The following ADD3 variants were observed in gnomAD, a reference collection of about 807,000 sequenced individuals.
ADD3 encodes gamma-adducin.
A neutral mutation model predicts 80.2 loss-of-function variants in ADD3; 25 were observed. The ratio of observed to expected loss-of-function variants is 0.31; its 90% CI spans 0.23 to 0.44. The LOEUF (loss-of-function observed/expected upper bound fraction) is 0.44. Among genes scored for constraint, ADD3 ranks in the 20% least tolerant of loss-of-function variants. The probability of loss-of-function intolerance (pLI) is 1.00; values close to 1 mark genes in which losing one functional copy is unlikely to be tolerated. For synonymous variants in ADD3, 284 were observed against 289.6 expected, an observed-to-expected ratio of 0.98 and a Z score of 0.20; for missense variants, 829 against 847.5, an observed-to-expected ratio of 0.98 and a Z score of 0.27.
At chr10:110,051,821 G>T (rs1362862740) in intron 1 of ADD3, among the ~76,000 whole-genome samples, 1 of 152,146 alleles carries the variant, frequency 6.6e-6, no homozygotes, top group African/African-American at 2.4e-5. Context: ...ACTTATTTTT[G>T]AGACAGAGTC....
intron 1 of ADD3, among the ~76,000 whole-genome samples, chr10:110,031,153 A>G (rs999236056): frequency 6.6e-6 from 1 of 152,236 alleles, no homozygotes; most frequent in African/African-American, 2.4e-5. Flanking sequence ...GCATGCCTGT[A>G]GTCCTAGCTA....
At chr10:110,084,903 T>G (rs1846520041) in intron 1 of ADD3, among the ~76,000 whole-genome samples, 2 of 152,224 alleles carry the variant, frequency 1.3e-5, no homozygotes, top group Non-Finnish European at 1.5e-5. Flanking sequence ...TTAATTAGTT[T>G]AATGTTTTCT....
At chr10:110,120,502 T>G (rs1346806773) in intron 8 of ADD3, among the ~76,000 whole-genome samples, 2 of 152,134 alleles carry the variant, frequency 1.3e-5, no homozygotes, top group African/African-American at 2.4e-5. Flanking sequence ...GTTCCAAGTC[T>G]TTGCTATTGT....
At chr10:110,020,621 A>G (rs901505602) in intron 1 of ADD3, among the ~76,000 whole-genome samples, 1 of 152,188 alleles carries the variant, frequency 6.6e-6, no homozygotes. Flanking sequence ...ACCGTCTGAC[A>G]GATGTTTAAA....
intron 5 of ADD3, 44 bp from the exon 6 acceptor site, chr10:110,118,543 G>C: frequency 1.3e-6 from 2 of 1,547,092 alleles, no homozygotes; most frequent in Non-Finnish European, 1.8e-6. Context: ...CACAAACTTT[G>C]ATACGTATAT....
At chr10:110,068,433 G>T (rs1844257174) in intron 1 of ADD3, among the ~76,000 whole-genome samples, 1 of 152,158 alleles carries the variant, frequency 6.6e-6, no homozygotes, top group Non-Finnish European at 1.5e-5. Flanking sequence ...CATTTACATT[G>T]TATTAGGCAT....
chr10:110,056,677 A>T (rs1858233897), intron 1 of ADD3, among the ~76,000 whole-genome samples: 1 of 152,164 alleles, frequency 6.6e-6, no homozygotes, highest in Non-Finnish European at 1.5e-5. Flanking sequence ...AATAAAAGGA[A>T]ATGGGAAATG....
chr10:110,116,482 T>G (rs1850743850), intron 4 of ADD3, 72 bp downstream of exon 4: 3 of 1,477,180 alleles, frequency 2.0e-6, no homozygotes, highest in Non-Finnish European at 2.8e-6. Flanking sequence ...TTCTTACCTT[T>G]ACCTGGAAGT....
intron 1 of ADD3, among the ~76,000 whole-genome samples, chr10:110,075,342 T>G (rs1240356580): frequency 5.6e-5 from 8 of 143,332 alleles, no homozygotes; most frequent in Middle Eastern, 7.0e-3. Context: ...TGGTTTTTTG[T>G]TTTTTTTTTA....
chr10:110,118,350 C>G (rs1206878611), intron 5 of ADD3, among the ~76,000 whole-genome samples: 2 of 152,090 alleles, frequency 1.3e-5, no homozygotes, highest in Non-Finnish European at 2.9e-5. Flanking sequence ...TTTGTTGCAC[C>G]TGTTTTATAA....
intron 6 of ADD3, 83 bp downstream of exon 6, chr10:110,118,819 C>G: frequency 7.4e-7 from 1 of 1,358,582 alleles, no homozygotes; most frequent in South Asian, 1.3e-5. Context: ...GCTTTACTAT[C>G]TGCTTTTCAA....
In ADD3 at chr10:110,112,796, A is replaced by G. The variant is rs1448448499; in HGVS notation, c.215A>G (p.Glu72Gly). ...TTACAGGCCTTTCGGGAAGACTTGG[A>G]ATGCCTTATTCAAGAACAGATGAAG... is the stretch of plus-strand genomic sequence containing the variant. ...LQSPAFREDL[E>G]CLIQEQMKKG... The change falls in exon 3 of 15, where the codon GAA becomes GGA. Residue 72 changes from glutamate to glycine, a missense_variant. Physicochemically the swap from Glu to Gly is moderately conservative, Grantham distance 98. Transcript: ENST00000356080. The G allele has an allele frequency of 1.2e-6, 2 of 1,613,658 alleles. No homozygotes were observed. Among genetic ancestry groups the G allele is most frequent in the Non-Finnish European group, 1.7e-6 (2 of 1,179,916 alleles).
chr10:110,083,618 G>T (rs1846344655), intron 1 of ADD3, among the ~76,000 whole-genome samples: 1 of 152,076 alleles, frequency 6.6e-6, no homozygotes, highest in Non-Finnish European at 1.5e-5. Context: ...TAATTAATAG[G>T]GATGGACTTT....
intron 1 of ADD3, among the ~76,000 whole-genome samples, chr10:110,076,315 G>A (rs933419456): frequency 3.3e-5 from 5 of 152,098 alleles, no homozygotes; most frequent in Non-Finnish European, 7.4e-5. Context: ...TATTTGTACA[G>A]TATTTATACA....
At chr10:110,079,376 T>C (rs1043082356) in intron 1 of ADD3, 1 of 150,140 alleles carries the variant, frequency 6.7e-6, no homozygotes, top group Non-Finnish European at 1.5e-5. Context: ...TTTCCCACCC[T>C]AATCCCTCAG....
chr10:110,116,578 C>T, intron 4 of ADD3, among the ~76,000 whole-genome samples, 168 bp downstream of exon 4: 1 of 152,190 alleles, frequency 6.6e-6, no homozygotes, highest in Non-Finnish European at 1.5e-5. Context: ...GGAGAGGCTC[C>T]AATTCCCCCA....
chr10:110,115,820 C>T (rs1285354245), intron 3 of ADD3, among the ~76,000 whole-genome samples: 1 of 152,204 alleles, frequency 6.6e-6, no homozygotes, highest in African/African-American at 2.4e-5. Flanking sequence ...AATCATACTA[C>T]TATTTGCATG....
rs1460864809 is a variant in ADD3 at position 110,133,466 on chromosome 10, A to C, written c.1969A>C (p.Asn657His). The change falls in exon 15 of 15, where the codon AAC becomes CAC. Residue 657 changes from asparagine to histidine, a missense_variant. Transcript: ENST00000356080. ...GTTAAGCACAAGTACAACCATAGAAAACATCGAGATTACTATTAAGTCTCC... is the reference window on the plus strand; with the variant it reads ...GTTAAGCACAAGTACAACCATAGAACACATCGAGATTACTATTAAGTCTCC... ...SRLSTSTTIE[N>H]IEITIKSPEK... The C allele has an allele frequency of 1.9e-6, 3 of 1,613,844 alleles. No individual in the cohort carries two copies. The highest frequency in any genetic ancestry group is 2.5e-6 in the Non-Finnish European group (3 of 1,179,914).
intron 2 of ADD3, among the ~76,000 whole-genome samples, chr10:110,110,657 A>C (rs1216249445): frequency 2.0e-5 from 3 of 151,812 alleles, no homozygotes; most frequent in Non-Finnish European, 4.4e-5. Context: ...ATACCCTTAG[A>C]ACCATATTTC....
Sources: gnomAD v4.1 joint callset for allele counts (sites outside exome capture counted in the v4.1 genomes callset) on GRCh38, gnomAD v4.1.1 for gene constraint, MANE v1.5 for transcripts, NCBI Gene and HGNC (gene_info 2026-07-23, HGNC 2026-07-21) for gene names.